CSNK2A2IP: variants seen among roughly 807,000 people sequenced by gnomAD.
CSNK2A2IP encodes the protein casein kinase 2 subunit alpha' interacting protein, also known as casein kinase II subunit alpha'-interacting protein.
At chr3:88,426,649 T>A in the CSNK2A2IP span, among the ~76,000 whole-genome samples, 5,581 of 152,118 alleles carry the variant, frequency 0.037, 220 homozygotes, top group East Asian at 0.21. Flanking sequence ...TCTCATGAGA[T>A]CTGGTGGCTT....
chr3:88,402,639 C>A, the CSNK2A2IP span, among the ~76,000 whole-genome samples: 1 of 138,318 alleles, frequency 7.2e-6, no homozygotes, highest in Non-Finnish European at 1.7e-5. Flanking sequence ...CCTGTTATTT[C>A]AAATTTGGAA....
At chr3:88,370,150 G>A in the CSNK2A2IP span, among the ~76,000 whole-genome samples, 7 of 151,824 alleles carry the variant, frequency 4.6e-5, no homozygotes, top group African/African-American at 7.3e-5. Context: ...CACACCAGCT[G>A]TGCCAGCCTA....
the CSNK2A2IP span, among the ~76,000 whole-genome samples, chr3:88,352,993 T>C: frequency 2.0e-5 from 3 of 152,158 alleles, no homozygotes; most frequent in Admixed American, 2.0e-4. Context: ...TAAGGATAAA[T>C]TCCCCTCAAG....
the CSNK2A2IP span, among the ~76,000 whole-genome samples, chr3:88,427,716 G>A: frequency 6.6e-6 from 1 of 152,166 alleles, no homozygotes; most frequent in East Asian, 1.9e-4. Flanking sequence ...GTGGGTGCAT[G>A]GAAGTCAAGA....
chr3:88,345,768 T>C, the CSNK2A2IP span, among the ~76,000 whole-genome samples: 1 of 118,458 alleles, frequency 8.4e-6, no homozygotes, highest in South Asian at 3.5e-4. Context: ...AGAATATTGT[T>C]GAAATAAGTC....
the CSNK2A2IP span, among the ~76,000 whole-genome samples, chr3:88,371,744 C>T: frequency 6.6e-6 from 1 of 151,602 alleles, no homozygotes; most frequent in African/African-American, 2.4e-5. Context: ...ACCACATCTA[C>T]ACATATTATA....
the CSNK2A2IP span, among the ~76,000 whole-genome samples, chr3:88,447,726 C>CGATGA: frequency 6.6e-6 from 1 of 151,850 alleles, no homozygotes; most frequent in African/African-American, 2.4e-5. Flanking sequence ...TTTGTTTTCT[C>CGATGA]GATGATATAT....
At chr3:88,451,731 C>CTTTTT in the CSNK2A2IP span, among the ~76,000 whole-genome samples, 6 of 143,392 alleles carry the variant, frequency 4.2e-5, no homozygotes, top group African/African-American at 1.3e-4. Flanking sequence ...ATCTCTCTCT[C>CTTTTT]TTTTTTTTTT....
chr3:88,389,208 A>G, the CSNK2A2IP span, among the ~76,000 whole-genome samples: 2 of 151,072 alleles, frequency 1.3e-5, no homozygotes, highest in African/African-American at 4.8e-5. Context: ...TTCAGGAAGG[A>G]GCTCAATGAG....
chr3:88,396,283 T>G, the CSNK2A2IP span, among the ~76,000 whole-genome samples: 1 of 151,702 alleles, frequency 6.6e-6, no homozygotes, highest in South Asian at 2.1e-4. Context: ...TTTTTTGTAT[T>G]TTTAGTAGAG....
the CSNK2A2IP span, among the ~76,000 whole-genome samples, chr3:88,360,417 G>A: frequency 6.6e-6 from 1 of 152,160 alleles, no homozygotes; most frequent in Non-Finnish European, 1.5e-5. Context: ...ATAGGCGTGA[G>A]CCACTGCGCC....
At chr3:88,341,058 C>T in the CSNK2A2IP span, among the ~76,000 whole-genome samples, 1 of 151,826 alleles carries the variant, frequency 6.6e-6, no homozygotes, top group East Asian at 1.9e-4. Flanking sequence ...CAAATTTATG[C>T]AAATGCATAT....
chr3:88,351,368 G>A, the CSNK2A2IP span, among the ~76,000 whole-genome samples: 1 of 151,910 alleles, frequency 6.6e-6, no homozygotes, highest in African/African-American at 2.4e-5. Context: ...AAATAATGAG[G>A]TATGAAGTAG....
chr3:88,352,492 A>G, the CSNK2A2IP span, among the ~76,000 whole-genome samples: 12 of 152,302 alleles, frequency 7.9e-5, no homozygotes, highest in African/African-American at 2.2e-4. Context: ...TTAATTCTCA[A>G]TACAAGCATT....
chr3:88,349,167 A>C, the CSNK2A2IP span, among the ~76,000 whole-genome samples: 2 of 151,902 alleles, frequency 1.3e-5, no homozygotes, highest in Non-Finnish European at 2.9e-5. Context: ...TTGGGGGTGC[A>C]GGTGGTTTTT....
At chr3:88,449,874 T>TATATATATATAGAGAGAGAGAG in the CSNK2A2IP span, among the ~76,000 whole-genome samples, 16 of 70,086 alleles carry the variant, frequency 2.3e-4, no homozygotes, top group African/African-American at 6.5e-4. Flanking sequence ...TATATATATA[T>TATATATATATAGAGAGAGAGAG]AGAGAGAGAG....
chr3:88,410,226 C>T, the CSNK2A2IP span, among the ~76,000 whole-genome samples: 1 of 152,066 alleles, frequency 6.6e-6, no homozygotes, highest in Admixed American at 6.5e-5. Context: ...TAACTTTAAT[C>T]AAATCCCAAA....
the CSNK2A2IP span, among the ~76,000 whole-genome samples, chr3:88,422,085 A>G: frequency 1.3e-5 from 2 of 152,244 alleles, no homozygotes; most frequent in African/African-American, 4.8e-5. Context: ...TCTCATTCTG[A>G]TCTATGTTCC....
chr3:88,341,221 A>C, the CSNK2A2IP span, among the ~76,000 whole-genome samples: 3,875 of 151,982 alleles, frequency 0.025, 104 homozygotes, highest in East Asian at 0.074. Flanking sequence ...CTGGAGGAAT[A>C]ATTGGGTTCA....
Sources: allele counts gnomAD v4.1 joint callset (sites outside exome capture counted in the v4.1 genomes callset), GRCh38; gene constraint gnomAD v4.1.1; transcripts MANE v1.5; gene names NCBI Gene and HGNC (gene_info 2026-07-23, HGNC 2026-07-21).